DPP10: variants seen among roughly 807,000 people sequenced by gnomAD.
The protein encoded by DPP10 is dipeptidyl peptidase like 10, also known as inactive dipeptidyl peptidase 10.
A neutral mutation model predicts 120.9 loss-of-function variants in DPP10; 33 were observed. The observed-to-expected ratio is 0.27, with a 90% confidence interval of 0.21 to 0.37. The LOEUF (loss-of-function observed/expected upper bound fraction) is 0.37. Among genes scored for constraint, DPP10 ranks in the 10% least tolerant of loss-of-function variants. DPP10 has a pLI of 1.00. For synonymous variants in DPP10, 337 were observed against 326.1 expected, an observed-to-expected ratio of 1.03 and a Z score of -0.36; for missense variants, 816 against 942.8, an observed-to-expected ratio of 0.87 and a Z score of 1.76.
intron 8 of DPP10, among the ~76,000 whole-genome samples, chr2:115,732,195 T>A (rs2092927181): frequency 6.6e-6 from 1 of 152,150 alleles, no homozygotes; most frequent in Non-Finnish European, 1.5e-5. Context: ...TCAACTTTTT[T>A]AAAATTGAAA....
At chr2:114,579,541 C>T (rs1690327397) in intron 1 of DPP10, among the ~76,000 whole-genome samples, 1 of 152,154 alleles carries the variant, frequency 6.6e-6, no homozygotes, top group African/African-American at 2.4e-5. Context: ...GAACCTTTTA[C>T]CCCCTAAACT....
At chr2:114,620,453 A>G (rs1026317816) in intron 1 of DPP10, among the ~76,000 whole-genome samples, 1 of 152,038 alleles carries the variant, frequency 6.6e-6, no homozygotes, top group Non-Finnish European at 1.5e-5. Context: ...ATTTAATTTT[A>G]ATGGACTGAC....
rs371313118 is a variant in DPP10 at position 115,702,847 on chromosome 2, G to C, written c.576+12926G>C. Among the ~76,000 whole-genome samples, 19 of 152,168 alleles carry C rather than the reference G, an allele frequency of 1.2e-4. No homozygotes were observed. The East Asian group carries it at 3.7e-3, about 29-fold the overall frequency. ...GTAATTTTTAATGGGTGACTTGTTT[G>C]GTATGTGAAGAATAGGTGTTTTTCT... On this transcript the variant is annotated intron_variant, in intron 7 of 25. Transcript: ENST00000410059.
At chr2:114,535,892 C>T (rs1686443610) in intron 1 of DPP10, among the ~76,000 whole-genome samples, 1 of 152,186 alleles carries the variant, frequency 6.6e-6, no homozygotes, top group Non-Finnish European at 1.5e-5. Flanking sequence ...GGGTGCAGCA[C>T]TTCAGTAAGA....
chr2:115,404,752 G>C (rs1413906714), intron 3 of DPP10, among the ~76,000 whole-genome samples: 1 of 152,178 alleles, frequency 6.6e-6, no homozygotes, highest in Non-Finnish European at 1.5e-5. Flanking sequence ...GAAGAGAAAT[G>C]GAAGGGGAAG....
intron 5 of DPP10, among the ~76,000 whole-genome samples, chr2:115,689,306 C>T (rs1279232377): frequency 3.3e-5 from 5 of 151,858 alleles, no homozygotes; most frequent in Non-Finnish European, 5.9e-5. Context: ...GAAGTATAGA[C>T]GATGTAAAGA....
intron 1 of DPP10, among the ~76,000 whole-genome samples, chr2:115,109,784 G>C (rs890420100): frequency 6.6e-6 from 1 of 152,158 alleles, no homozygotes; most frequent in African/African-American, 2.4e-5. Context: ...GTGGAAATGT[G>C]ACTGGTATCA....
chr2:114,950,261 TG>T (rs1376458340), intron 1 of DPP10, among the ~76,000 whole-genome samples: 12 of 151,206 alleles, frequency 7.9e-5, no homozygotes, highest in African/African-American at 2.9e-4. Context: ...AACTACCCTA[TG>T]TGGGTAAAAA....
intron 1 of DPP10, among the ~76,000 whole-genome samples, chr2:115,281,871 A>C (rs568514723): frequency 1.3e-5 from 2 of 152,156 alleles, no homozygotes; most frequent in African/African-American, 4.8e-5. Context: ...TAAAATATTT[A>C]AAAATACTGA....
intron 5 of DPP10, among the ~76,000 whole-genome samples, chr2:115,546,155 C>T (rs562777426): frequency 6.6e-6 from 1 of 152,218 alleles, no homozygotes; most frequent in African/African-American, 2.4e-5. Flanking sequence ...CTGATGAGTT[C>T]CATTCTCTCC....
chr2:115,419,416 A>G (rs1212664945), intron 3 of DPP10, among the ~76,000 whole-genome samples: 1 of 152,104 alleles, frequency 6.6e-6, no homozygotes, highest in Non-Finnish European at 1.5e-5. Context: ...ACAGCAAGAG[A>G]GACAGCAAGA....
chr2:115,162,098 C>G (rs1467179053), intron 1 of DPP10: 10 of 1,502,494 alleles, frequency 6.7e-6, no homozygotes, highest in Middle Eastern at 2.4e-4. Flanking sequence ...GCCCGCCTCC[C>G]GCTTCCCAGG....
chr2:114,780,552 C>T (rs200864243), intron 1 of DPP10, among the ~76,000 whole-genome samples: 60 of 152,158 alleles, frequency 3.9e-4, no homozygotes, highest in East Asian at 2.5e-3. Context: ...TTTGTTATCA[C>T]TAAATTCCAT....
At chr2:114,523,572 A>C (rs1207629305) in intron 1 of DPP10, among the ~76,000 whole-genome samples, 1 of 152,166 alleles carries the variant, frequency 6.6e-6, no homozygotes, top group East Asian at 1.9e-4. Flanking sequence ...TCAGTGTCTG[A>C]ATGCATTTCA....
intron 7 of DPP10, among the ~76,000 whole-genome samples, chr2:115,696,851 T>A (rs13415689): frequency 1.5e-3 from 225 of 152,214 alleles, no homozygotes; most frequent in African/African-American, 5.3e-3. Context: ...TTTTTAGACA[T>A]AATTTAAGAA....
chr2:115,758,132 C>CA (rs780169561), intron 11 of DPP10, among the ~76,000 whole-genome samples: 5 of 151,982 alleles, frequency 3.3e-5, no homozygotes, highest in South Asian at 2.1e-4. Context: ...AAAAAGCCTA[C>CA]AAAAAACCCT....
chr2:114,818,752 C>T (rs1055244428), intron 1 of DPP10, among the ~76,000 whole-genome samples: 1 of 152,120 alleles, frequency 6.6e-6, no homozygotes, highest in African/African-American at 2.4e-5. Flanking sequence ...GCTCCATCTC[C>T]TTTACAGATT....
intron 7 of DPP10, among the ~76,000 whole-genome samples, chr2:115,693,275 T>A (rs1489338144): frequency 6.6e-6 from 1 of 152,164 alleles, no homozygotes; most frequent in Non-Finnish European, 1.5e-5. Flanking sequence ...GTGCAGGGTT[T>A]GGTCTAGATA....
At chr2:115,159,813 T>G (rs2052174886) in intron 1 of DPP10, among the ~76,000 whole-genome samples, 2 of 152,186 alleles carry the variant, frequency 1.3e-5, no homozygotes, top group African/African-American at 4.8e-5. Flanking sequence ...TTATACTGAA[T>G]TCAGAACACA....
Sources: allele counts gnomAD v4.1 joint callset (sites outside exome capture counted in the v4.1 genomes callset), GRCh38; gene constraint gnomAD v4.1.1; transcripts MANE v1.5; gene names NCBI Gene and HGNC (gene_info 2026-07-23, HGNC 2026-07-21).